SCMH1: variants seen among roughly 807,000 people sequenced by gnomAD.
SCMH1 encodes the protein polycomb protein SCMH1.
SCMH1 carries 37 observed loss-of-function variants against 70.8 expected under a neutral mutation model. The ratio of observed to expected loss-of-function variants is 0.52; its 90% confidence interval spans 0.40 to 0.69. The LOEUF is 0.69. SCMH1 is among the 30% of genes least tolerant of loss of function. The pLI, the probability that SCMH1 is intolerant of heterozygous loss-of-function variation, is 0.00. For synonymous variants in SCMH1, 292 were observed against 307.4 expected, an observed-to-expected ratio of 0.95 and a Z score of 0.52; for missense variants, 607 against 827.3, an observed-to-expected ratio of 0.73 and a Z score of 3.27.
At chr1:41,233,451 TATAG>T (rs1195312850) in intron 1 of SCMH1, among the ~76,000 whole-genome samples, 1 of 152,138 alleles carries the variant, frequency 6.6e-6, no homozygotes, top group Non-Finnish European at 1.5e-5. Flanking sequence ...TAACTATGAC[TATAG>T]ATAGCAGAAG....
chr1:41,057,529 C>T (rs752675464), intron 10 of SCMH1, among the ~76,000 whole-genome samples: 1 of 152,080 alleles, frequency 6.6e-6, no homozygotes, highest in Non-Finnish European at 1.5e-5. Flanking sequence ...GGATCACAGG[C>T]GTGAGCCACT....
intron 2 of SCMH1, among the ~76,000 whole-genome samples, chr1:41,182,773 C>T (rs948015101): frequency 6.6e-6 from 1 of 151,960 alleles, no homozygotes; most frequent in Non-Finnish European, 1.5e-5. Flanking sequence ...AAGAAATAGA[C>T]TCTTGGTACA....
intron 12 of SCMH1, chr1:41,045,812 G>A (rs1283965348): frequency 2.0e-5 from 3 of 152,358 alleles, no homozygotes; most frequent in Non-Finnish European, 4.4e-5. Flanking sequence ...AATCTCTCTC[G>A]GAAGTACTTA....
chr1:41,082,257 T>A (rs1660249975), intron 8 of SCMH1, among the ~76,000 whole-genome samples: 1 of 151,912 alleles, frequency 6.6e-6, no homozygotes, highest in Non-Finnish European at 1.5e-5. Context: ...CCAAGACACA[T>A]AATTGTCAGA....
intron 5 of SCMH1, among the ~76,000 whole-genome samples, chr1:41,146,615 T>A (rs948489890): frequency 3.3e-5 from 5 of 152,156 alleles, no homozygotes; most frequent in African/African-American, 1.2e-4. Context: ...GTGTTACAAC[T>A]ACCTACAGTA....
intron 1 of SCMH1, among the ~76,000 whole-genome samples, chr1:41,205,331 C>T (rs1397190340): frequency 6.6e-6 from 1 of 152,222 alleles, no homozygotes; most frequent in East Asian, 1.9e-4. Context: ...ATCAGTACAC[C>T]TCTGCCCAAA....
chr1:41,140,843 T>TAAA (rs891291761), intron 6 of SCMH1, among the ~76,000 whole-genome samples: 1 of 152,014 alleles, frequency 6.6e-6, no homozygotes, highest in African/African-American at 2.4e-5. Context: ...AAACAGTATA[T>TAAA]AAAAGAGTCA....
rs72949763 is a variant in SCMH1, at chr1:41,109,741, C to G, written c.745+3542G>C. 6.9e-3 allele frequency among the ~76,000 whole-genome samples: 1,047 copies of G among 152,250 alleles called. 16 individuals carry two copies. Among genetic ancestry groups the G allele is most frequent in the African/African-American group, 0.024 (1,015 of 41,524 alleles). On this transcript the variant is annotated intron_variant, in intron 8 of 14. Transcript: ENST00000337495. ...TCCAGAGACACAGAAGAGAGGAAAA[C>G]AGTCAGCAAACTTCTCTGGAAGCAT...
At chr1:41,224,095 C>T (rs778901043) in intron 1 of SCMH1, among the ~76,000 whole-genome samples, 1 of 152,110 alleles carries the variant, frequency 6.6e-6, no homozygotes, top group Admixed American at 6.6e-5. Flanking sequence ...CCATCTGGAT[C>T]GCCCCCTCTT....
chr1:41,242,294 G>T (rs1335985967), upstream of SCMH1: 3 of 141,232 alleles, frequency 2.1e-5, no homozygotes, highest in African/African-American at 5.1e-5. The surrounding 1 kb of genome is among the most constrained non-coding windows in gnomAD (Gnocchi z 5.2). Context: ...CGCCTCGGCC[G>T]TTGGGCTCGC....
rs143308504 is a variant in SCMH1 at position 41,120,799 on chromosome 1, C to T, written c.413-3789G>A. Among the ~76,000 whole-genome samples, 536 of 152,286 alleles carry T rather than the reference C, an allele frequency of 3.5e-3. 1 individual carries two copies. The highest frequency in any genetic ancestry group is 0.012 in the African/African-American group (500 of 41,566). ...AGGCTAAGAAACTTGTTCATGGTCA[C>T]ACAAGCCAATCTTACACTGTCAGGC... On this transcript the variant is annotated intron_variant, in intron 6 of 14. Coordinates refer to ENST00000337495, the Ensembl canonical transcript of SCMH1.
intron 2 of SCMH1, among the ~76,000 whole-genome samples, chr1:41,177,288 G>GA (rs1456163819): frequency 6.6e-6 from 1 of 151,464 alleles, no homozygotes; most frequent in Non-Finnish European, 1.5e-5. Context: ...CAAAGATGGG[G>GA]AAAAAACAGA....
intron 5 of SCMH1, among the ~76,000 whole-genome samples, chr1:41,149,023 C>T (rs1226735857): frequency 6.6e-6 from 1 of 152,100 alleles, no homozygotes; most frequent in Non-Finnish European, 1.5e-5. Flanking sequence ...AATCTCCTGA[C>T]TTCACGATCC....
intron 2 of SCMH1, among the ~76,000 whole-genome samples, chr1:41,171,527 T>TAAA (rs35440227): frequency 6.9e-6 from 1 of 145,442 alleles, no homozygotes; most frequent in Non-Finnish European, 1.5e-5. Context: ...CATTAAAAAT[T>TAAA]AAAAAAAAAA....
At position 41,037,383 on chromosome 1, in the gene SCMH1, C is replaced by T; in HGVS notation, c.1657G>A (p.Val553Met). The change falls in exon 13 of 15, where the codon GTG becomes ATG. Residue 553 changes from valine to methionine, a missense_variant. Around this residue, in one of 3 missense-constraint regions of SCMH1, gnomAD observed 430 missense variants for 528.2 expected, o/e 0.81. Transcript: ENST00000337495. ...TTACCCCTGGAGCATAGCCTGCGCA[C>T]AGCTGAGGCAGTGCTTGGTGGGAGG... 3 of 1,614,154 alleles carry T rather than the reference C, an allele frequency of 1.9e-6. No individual in the cohort carries two copies. In the South Asian group the frequency reaches 3.3e-5, roughly 18 times the overall value.
intron 2 of SCMH1, among the ~76,000 whole-genome samples, chr1:41,184,864 C>A (rs1267570076): frequency 2.0e-5 from 3 of 152,106 alleles, no homozygotes; most frequent in East Asian, 1.9e-4. Flanking sequence ...AAGCATCAAA[C>A]AATATTATGG....
At chr1:41,099,426 C>T (rs1665991033) in intron 8 of SCMH1, among the ~76,000 whole-genome samples, 1 of 152,210 alleles carries the variant, frequency 6.6e-6, no homozygotes, top group Non-Finnish European at 1.5e-5. Context: ...ATGAGACTTA[C>T]ACTTCATAAT....
chr1:41,029,051 T>C (rs2148481872), intron 13 of SCMH1, among the ~76,000 whole-genome samples: 1 of 152,260 alleles, frequency 6.6e-6, no homozygotes, highest in African/African-American at 2.4e-5. Flanking sequence ...TGAGTGGGGC[T>C]GTTTTTGCCT....
chr1:41,130,798 CCCA>C (rs1321584631), intron 6 of SCMH1, among the ~76,000 whole-genome samples: 1 of 152,168 alleles, frequency 6.6e-6, no homozygotes, highest in Admixed American at 6.5e-5. Context: ...ACTCCCCATC[CCCA>C]CTTCAAGCTG....
Sources: allele counts gnomAD v4.1 joint callset (sites outside exome capture counted in the v4.1 genomes callset), GRCh38; gene constraint gnomAD v4.1.1; regional missense constraint gnomAD v4.1.1; non-coding constraint Gnocchi (gnomAD v3.1); transcripts MANE v1.5; gene names NCBI Gene and HGNC (gene_info 2026-07-23, HGNC 2026-07-21).